The following TMX4 variants were observed in gnomAD, a reference collection of about 807,000 sequenced individuals.
TMX4 encodes thioredoxin-related transmembrane protein 4.
TMX4 carries 23 observed loss-of-function variants against 33.3 expected under a neutral mutation model. That is an observed-to-expected ratio of 0.69 (90% CI 0.50 to 0.98). The LOEUF (loss-of-function observed/expected upper bound fraction) is 0.98, where lower values mean the gene tolerates loss of function less well. TMX4 is among the 50% of genes least tolerant of loss of function. The probability of loss-of-function intolerance (pLI) is 0.00; values close to 1 mark genes in which losing one functional copy is unlikely to be tolerated. For missense variants in TMX4, 399 were observed against 448.9 expected (o/e 0.89, Z 1.01); for synonymous variants, 164 against 161.5 (o/e 1.02, Z -0.12).
chr20:8,006,152 C>T (rs540742820), intron 2 of TMX4, among the ~76,000 whole-genome samples: 33 of 140,346 alleles, frequency 2.4e-4, no homozygotes, highest in Middle Eastern at 7.6e-3. Flanking sequence ...ACAGCCTGCC[C>T]GTCTGCATGT....
At chr20:8,006,981 G>T (rs989226386) in intron 2 of TMX4, among the ~76,000 whole-genome samples, 1 of 152,088 alleles carries the variant, frequency 6.6e-6, no homozygotes, top group Non-Finnish European at 1.5e-5. Context: ...TGGCCAGGCT[G>T]GTCTTGAACT....
intron 1 of TMX4, among the ~76,000 whole-genome samples, chr20:8,011,447 T>C (rs1053664532): frequency 6.6e-6 from 1 of 151,722 alleles, no homozygotes. Context: ...AATTCTGAAC[T>C]GTGCAAAAGC....
At chr20:7,989,226 T>A (rs2050643923) in intron 5 of TMX4, among the ~76,000 whole-genome samples, 2 of 152,168 alleles carry the variant, frequency 1.3e-5, no homozygotes, top group Non-Finnish European at 2.9e-5. Flanking sequence ...CCCGGAAATG[T>A]GCCAAAGAAT....
chr20:8,018,377 GGAGA>G (rs1247607844), intron 1 of TMX4, among the ~76,000 whole-genome samples: 6 of 59,478 alleles, frequency 1.0e-4, no homozygotes, highest in African/African-American at 2.2e-4. Flanking sequence ...AGGAGAGAGA[GGAGA>G]GAGAGAGAGA....
Position 8,019,651 on chromosome 20 carries a change from G to A in TMX4, c.-38C>T. ...GCGAGGCTTCTCGGCGGGGAGTGTG[G>A]GGAAGGGCAGCGGCCGGCCCGCAGC... On this transcript the variant is annotated 5_prime_UTR_variant, in exon 1 of 8. Coordinates refer to ENST00000246024, the MANE Select transcript of TMX4 (RefSeq NM_021156.4). The A allele has an allele frequency of 3.1e-6, 4 of 1,306,494 alleles. No individual in the cohort carries two copies. The South Asian group carries it at 9.3e-5, about 30-fold the overall frequency. The allele number at this position is 1,306,494 out of a possible 1,614,324, so 80.9% of individuals were successfully genotyped here.
chr20:7,996,291 T>C (rs1278193501), intron 4 of TMX4, among the ~76,000 whole-genome samples: 2 of 152,132 alleles, frequency 1.3e-5, no homozygotes, highest in Non-Finnish European at 2.9e-5. Flanking sequence ...CTCCTTTCAT[T>C]GTGCCTACCC....
In TMX4 at chr20:7,978,178, C is replaced by T. The variant is rs538015889; in HGVS notation, c.*4073G>A. ...ATATTCATAATACTGACAGAAATAA[C>T]ACTGTAACACCAAGATGAGGGACAC... On this transcript the variant is annotated 3_prime_UTR_variant, in exon 8 of 8. Transcript: ENST00000246024. 6.6e-6 allele frequency: 1 copy of T among 152,298 alleles called. No individual in the cohort carries two copies. Among genetic ancestry groups the T allele is most frequent in the African/African-American group, 2.4e-5 (1 of 41,568 alleles). The allele number at this position is 152,298 out of a possible 1,614,324, so 9.4% of individuals were successfully genotyped here.
intron 5 of TMX4, among the ~76,000 whole-genome samples, chr20:7,994,176 G>C (rs546568782): frequency 1.1e-4 from 17 of 151,966 alleles, no homozygotes; most frequent in Non-Finnish European, 2.5e-4. Context: ...CTTATAAAAT[G>C]ATCATTTTTG....
intron 2 of TMX4, among the ~76,000 whole-genome samples, chr20:8,006,124 C>T (rs2050729067): frequency 6.6e-6 from 1 of 150,732 alleles, no homozygotes. Context: ...CTTTATGCTG[C>T]CGTGGGATCG....
In TMX4 at chr20:7,981,858, T is replaced by C. The variant is rs1304412840; in HGVS notation, c.*393A>G. 5.8e-6 allele frequency: 1 copy of C among 171,950 alleles called. No homozygotes were observed. Among genetic ancestry groups the C allele is most frequent in the Admixed American group, 5.8e-5 (1 of 17,296 alleles). The allele number at this position is 171,950 out of a possible 1,614,324, so 10.7% of individuals were successfully genotyped here. On this transcript the variant is annotated 3_prime_UTR_variant, in exon 8 of 8. Transcript: ENST00000246024. ...ACACAAGAAAAGGATGCAAGGCTTCTACGTTACACTTTGGGGATGCTCAGG... is the reference window on the plus strand; with the variant it reads ...ACACAAGAAAAGGATGCAAGGCTTCCACGTTACACTTTGGGGATGCTCAGG...
At chr20:8,005,169 C>T (rs1250995610) in intron 2 of TMX4, among the ~76,000 whole-genome samples, 1 of 152,100 alleles carries the variant, frequency 6.6e-6, no homozygotes, top group Admixed American at 6.6e-5. Context: ...AGGAGACTGG[C>T]TTACCTCTAA....
At chr20:8,003,223 C>T (rs985410850) in intron 2 of TMX4, among the ~76,000 whole-genome samples, 2 of 152,070 alleles carry the variant, frequency 1.3e-5, no homozygotes, top group African/African-American at 4.8e-5. Context: ...AGCTATAGTT[C>T]CTTATGACCA....
At chr20:7,987,431 G>A (rs2050635889) in intron 5 of TMX4, 42 bp from the exon 6 acceptor site, 1 of 1,413,794 alleles carries the variant, frequency 7.1e-7, no homozygotes, top group African/African-American at 1.5e-5. Flanking sequence ...ATTTTTAAGA[G>A]AACCAAAAAT....
chr20:8,004,294 C>A (rs2050718734), intron 2 of TMX4, among the ~76,000 whole-genome samples: 2 of 152,134 alleles, frequency 1.3e-5, no homozygotes, highest in Admixed American at 6.5e-5. Flanking sequence ...TACAGAAGCA[C>A]CATCTGAGGT....
rs1229182292 is a variant in TMX4 at position 8,019,631 on chromosome 20, G to T, written c.-18C>A. On this transcript the variant is annotated 5_prime_UTR_variant, in exon 1 of 8. Coordinates refer to ENST00000246024, the MANE Select transcript of TMX4 (RefSeq NM_021156.4). ...CCCGCCATGTTGGGCGCCGAGCGAGGCTTCTCGGCGGGGAGTGTGGGGAAG... is the reference window on the plus strand; with the variant it reads ...CCCGCCATGTTGGGCGCCGAGCGAGTCTTCTCGGCGGGGAGTGTGGGGAAG... The T allele has an allele frequency of 2.1e-5, 28 of 1,330,734 alleles. No homozygotes were observed. Among genetic ancestry groups the T allele is most frequent in the Non-Finnish European group, 2.6e-5 (27 of 1,040,454 alleles). The allele number at this position is 1,330,734 out of a possible 1,614,324, so 82.4% of individuals were successfully genotyped here. A position where few individuals can be genotyped will look rare whatever the true frequency, so the allele number is the denominator to read the frequency against.
At position 8,010,292 on chromosome 20, in the gene TMX4, C is replaced by A; in HGVS notation, c.200G>T (p.Cys67Phe). The change falls in exon 2 of 8, where the codon TGC becomes TTC. Residue 67 changes from cysteine (C) to phenylalanine (F), a missense_variant. Physicochemically the swap from Cys to Phe is radical, Grantham distance 205. Coordinates refer to ENST00000246024, the MANE Select transcript of TMX4 (RefSeq NM_021156.4). ...CTCCCATTCTGAATCAGTCTGCTGGCAGGATGGACACCATGGGGCGTAACT... is the reference window on the plus strand; with the variant it reads ...CTCCCATTCTGAATCAGTCTGCTGGAAGGATGGACACCATGGGGCGTAACT... Reference protein sequence around the residue: ...LKFYAPWCPSCQQTDSEWEAF... With the variant: ...LKFYAPWCPSFQQTDSEWEAF... The A allele has an allele frequency of 6.2e-7, 1 of 1,610,838 alleles. No homozygotes were observed. The highest frequency in any genetic ancestry group is 1.1e-5 in the South Asian group (1 of 90,756).
intron 5 of TMX4, among the ~76,000 whole-genome samples, chr20:7,988,342 T>G (rs906537630): frequency 1.6e-4 from 25 of 152,368 alleles, no homozygotes; most frequent in African/African-American, 5.8e-4. Context: ...GTTTCTATTT[T>G]AATTTCCTAT....
chr20:7,979,089 G>C lies in TMX4; in HGVS notation c.*3162C>G, dbSNP rs74717922. ...ATGATTTTAATTTTTTTTTTTTTTA[G>C]ATTTTAAAAATCAAAATCATGTTTC... On this transcript the variant is annotated 3_prime_UTR_variant, in exon 8 of 8. Transcript: ENST00000246024. 1 of 147,348 alleles carries C rather than the reference G, an allele frequency of 6.8e-6. No individual in the cohort carries two copies. The highest frequency in any genetic ancestry group is 6.7e-5 in the Admixed American group (1 of 14,868). The allele number at this position is 147,348 out of a possible 1,614,324, so 9.1% of individuals were successfully genotyped here. A position where few individuals can be genotyped will look rare whatever the true frequency, so the allele number is the denominator to read the frequency against.
chr20:7,991,382 T>C (rs2050654106), intron 5 of TMX4, among the ~76,000 whole-genome samples: 1 of 152,230 alleles, frequency 6.6e-6, no homozygotes, highest in East Asian at 1.9e-4. Context: ...AGGTTGAGTA[T>C]CCCTTATTCC....
Sources: gnomAD v4.1 joint callset for allele counts (sites outside exome capture counted in the v4.1 genomes callset) on GRCh38, gnomAD v4.1.1 for gene constraint, MANE v1.5 for transcripts, NCBI Gene and HGNC (gene_info 2026-07-23, HGNC 2026-07-21) for gene names.